The following CRHR1 variants were observed in gnomAD, a reference collection of about 807,000 sequenced individuals.
CRHR1 encodes corticotropin releasing hormone receptor 1.
CRHR1 carries 28 observed loss-of-function variants against 56.0 expected under a neutral mutation model. The ratio of observed to expected loss-of-function variants is 0.50; its 90% CI spans 0.37 to 0.69. The LOEUF (loss-of-function observed/expected upper bound fraction) is 0.69, where lower values mean the gene tolerates loss of function less well. Among genes scored for constraint, CRHR1 ranks in the 30% least tolerant of loss-of-function variants. CRHR1 has a pLI of 0.00. For synonymous variants in CRHR1, 195 were observed against 216.5 expected, an observed-to-expected ratio of 0.90 and a Z score of 0.87; for missense variants, 376 against 548.0, an observed-to-expected ratio of 0.69 and a Z score of 3.13.
At chr17:45,811,742 G>A (rs2061829142) in intron 2 of CRHR1, among the ~76,000 whole-genome samples, 1 of 152,112 alleles carries the variant, frequency 6.6e-6, no homozygotes, top group Non-Finnish European at 1.5e-5. Context: ...CTTCCTTTAG[G>A]TATCTGCTTA....
chr17:45,811,239 C>T (rs1225910021), intron 2 of CRHR1, among the ~76,000 whole-genome samples: 1 of 152,242 alleles, frequency 6.6e-6, no homozygotes, highest in Non-Finnish European at 1.5e-5. Context: ...CCTGATTGTG[C>T]ACAGCACTAA....
At position 45,829,245 on chromosome 17, in the gene CRHR1, GTCA is replaced by G; in HGVS notation, c.365_367del (p.Ile122del). ...AAGCAAGGTGCACTACCATGTCGCAGTCATCATCAACTACCTGGGCCACTGTAT... is the reference window on the plus strand; with the variant it reads ...AAGCAAGGTGCACTACCATGTCGCAGTCATCAACTACCTGGGCCACTGTAT... On this transcript the variant is annotated inframe_deletion, in exon 5 of 13. Coordinates refer to ENST00000314537, the MANE Select transcript of CRHR1 (RefSeq NM_004382.5). 6.2e-7 allele frequency: 1 copy of G among 1,614,086 alleles called. No homozygotes were observed. The highest frequency in any genetic ancestry group is 8.5e-7 in the Non-Finnish European group (1 of 1,180,026).
At chr17:45,803,153 T>A (rs2061654724) in intron 1 of CRHR1, among the ~76,000 whole-genome samples, 1 of 151,546 alleles carries the variant, frequency 6.6e-6, no homozygotes, top group African/African-American at 2.4e-5. Flanking sequence ...GGGTGGGGGG[T>A]GGCACAGACT....
At chr17:45,830,065 C>CTGCTGCA (rs1465562646) in intron 5 of CRHR1, 29 bp from the exon 6 acceptor site, 1 of 1,613,676 alleles carries the variant, frequency 6.2e-7, no homozygotes, top group Non-Finnish European at 8.5e-7. Flanking sequence ...TCCTATCGCT[C>CTGCTGCA]CCATCATCCA....
chr17:45,788,561 G>A (rs1340360746), intron 1 of CRHR1, among the ~76,000 whole-genome samples: 2 of 152,180 alleles, frequency 1.3e-5, no homozygotes, highest in African/African-American at 4.8e-5. Context: ...TAAAATGGGG[G>A]AAATGCCTAA....
At chr17:45,800,691 G>A (rs777923627) in intron 1 of CRHR1, 1 of 152,350 alleles carries the variant, frequency 6.6e-6, no homozygotes. Flanking sequence ...GAGGGACCGT[G>A]TTGAAGGATG....
rs987092026 is a variant in CRHR1, at chr17:45,834,961, C to T, written c.*197C>T. The T allele has an allele frequency of 9.8e-6, 7 of 713,258 alleles. No individual in the cohort carries two copies. Among genetic ancestry groups the T allele is most frequent in the Non-Finnish European group, 1.6e-5 (7 of 441,962 alleles). The allele number at this position is 713,258 out of a possible 1,614,324, so 44.2% of individuals were successfully genotyped here. A position where few individuals can be genotyped will look rare whatever the true frequency, so the allele number is the denominator to read the frequency against. On this transcript the variant is annotated 3_prime_UTR_variant, in exon 13 of 13. Transcript: ENST00000314537. ...CTCTAGCTCATGAGTGGAAAGTCAC[C>T]TACAGGACTGGGCCGGGCCCAGGGC...
chr17:45,831,286 C>G (rs2062302981), intron 8 of CRHR1, among the ~76,000 whole-genome samples: 1 of 152,198 alleles, frequency 6.6e-6, no homozygotes, highest in Non-Finnish European at 1.5e-5. Context: ...GCTACTGCCT[C>G]AAAGGGCTGT....
At position 45,784,554 on chromosome 17, in the gene CRHR1, C is replaced by A; in HGVS notation, c.10C>A (p.His4Asn). The change falls in exon 1 of 13, where the codon CAC becomes AAC. Residue 4 changes from histidine (H) to asparagine (N), a missense_variant. His to Asn is a moderately conservative substitution (Grantham distance 68). Transcript: ENST00000314537. The surrounding 1 kb of genome is among the most constrained non-coding windows in gnomAD (Gnocchi z 4.2). ...CCGAGCGAGCCCGAGGATGGGAGGG[C>A]ACCCGCAGCTCCGTCTCGTCAAGGT... MGG[H>N]PQLRLVKALL... The A allele has an allele frequency of 6.4e-7, 1 of 1,554,742 alleles. No homozygotes were observed. Among genetic ancestry groups the A allele is most frequent in the East Asian group, 2.5e-5 (1 of 40,528 alleles).
intron 10 of CRHR1, 34 bp downstream of exon 10, chr17:45,833,571 T>C: frequency 1.2e-6 from 2 of 1,604,690 alleles, no homozygotes; most frequent in South Asian, 1.1e-5. Flanking sequence ...GGCCTCCCCC[T>C]GATGAAACCC....
At chr17:45,790,651 A>G (rs1398213449) in intron 1 of CRHR1, among the ~76,000 whole-genome samples, 1 of 152,150 alleles carries the variant, frequency 6.6e-6, no homozygotes, top group Non-Finnish European at 1.5e-5. Context: ...TGGGGTGTGC[A>G]TCTGCCCCCC....
At chr17:45,809,693 G>A (rs1180398617) in intron 2 of CRHR1, among the ~76,000 whole-genome samples, 1 of 152,248 alleles carries the variant, frequency 6.6e-6, no homozygotes, top group African/African-American at 2.4e-5. Context: ...GGGGCGGAGG[G>A]GCGAGACAGA....
chr17:45,830,929 C>T lies in CRHR1; in HGVS notation c.759C>T (p.Tyr253=), dbSNP rs756494884. The T allele has an allele frequency of 2.7e-5, 44 of 1,613,744 alleles. No homozygotes were observed. The highest frequency in any genetic ancestry group is 3.6e-5 in the Non-Finnish European group (43 of 1,179,888). ...CCTGGGCCATTGGGAAGCTGTACTACGACAATGAGAAGTAAGTCATCTCCT... is the reference window on the plus strand; with the variant it reads ...CCTGGGCCATTGGGAAGCTGTACTATGACAATGAGAAGTAAGTCATCTCCT... ...IVAWAIGKLY[Y]DNEKCWFGKR... Residue 253 remains tyrosine (Y), a synonymous_variant, in exon 8 of 13, where the codon TAC becomes TAT. Transcript: ENST00000314537.
intron 5 of CRHR1, 116 bp downstream of exon 5, chr17:45,829,437 G>A: frequency 3.8e-6 from 5 of 1,324,836 alleles, no homozygotes; most frequent in Non-Finnish European, 4.2e-6. Flanking sequence ...GAGGGTGGCA[G>A]GGGCTGGCTT....
chr17:45,829,125 C>A, intron 4 of CRHR1, 90 bp from the exon 5 acceptor site: 1 of 992,890 alleles, frequency 1.0e-6, no homozygotes, highest in Non-Finnish European at 1.6e-6. Context: ...GATCATGACC[C>A]GCTCCATCCC....
chr17:45,821,291 G>A, intron 3 of CRHR1, 64 bp from the exon 4 acceptor site: 1 of 1,457,024 alleles, frequency 6.9e-7, no homozygotes, highest in Non-Finnish European at 9.6e-7. Context: ...ATCCATCTGG[G>A]CCAGGATGGT....
At chr17:45,814,066 C>G (rs905880223) in intron 2 of CRHR1, among the ~76,000 whole-genome samples, 1 of 152,156 alleles carries the variant, frequency 6.6e-6, no homozygotes, top group African/African-American at 2.4e-5. Flanking sequence ...CCGTGCCTTG[C>G]GAAAGCAAGG....
intron 5 of CRHR1, 110 bp from the exon 6 acceptor site, chr17:45,829,984 C>A (rs2143229071): frequency 6.5e-7 from 1 of 1,527,838 alleles, no homozygotes; most frequent in Non-Finnish European, 8.9e-7. Flanking sequence ...CAGCCCCACC[C>A]TGTGCCTCAG....
Position 45,830,917 on chromosome 17 carries a change from G to A in CRHR1, c.747G>A (p.Gly249=), listed in dbSNP as rs2062293642. ...CCATCATTGTGGCCTGGGCCATTGG[G>A]AAGCTGTACTACGACAATGAGAAGT... is the stretch of plus-strand genomic sequence containing the variant. ...PFPIIVAWAI[G]KLYYDNEKCW... is the part of the protein sequence containing the mutation. The change falls in exon 8 of 13, where the codon GGG becomes GGA. Residue 249 remains glycine (G), a synonymous_variant. Coordinates refer to ENST00000314537, the MANE Select transcript of CRHR1 (RefSeq NM_004382.5). The A allele has an allele frequency of 6.2e-7, 1 of 1,613,824 alleles. No homozygotes were observed. The highest frequency in any genetic ancestry group is 1.3e-5 in the African/African-American group (1 of 74,930).
Sources: allele counts gnomAD v4.1 joint callset (sites outside exome capture counted in the v4.1 genomes callset), GRCh38; gene constraint gnomAD v4.1.1; non-coding constraint Gnocchi (gnomAD v3.1); transcripts MANE v1.5; gene names NCBI Gene and HGNC (gene_info 2026-07-23, HGNC 2026-07-21).